SPMIP4: variants seen among roughly 807,000 people sequenced by gnomAD.
SPMIP4 encodes sperm-associated microtubule inner protein 4.
the SPMIP4 span, among the ~76,000 whole-genome samples, chr7:25,148,494 T>TTTTTTTTTTTA: frequency 2.9e-5 from 2 of 68,738 alleles, no homozygotes; most frequent in Non-Finnish European, 3.9e-5. Flanking sequence ...TTTTTTTTTT[T>TTTTTTTTTTTA]GAGACAGAGT....
chr7:25,155,068 G>A, the SPMIP4 span: 2 of 1,614,118 alleles, frequency 1.2e-6, no homozygotes, highest in Non-Finnish European at 1.7e-6. Flanking sequence ...GGAGGAAAGG[G>A]CTGCTGGGTG....
At chr7:25,161,863 A>G in the SPMIP4 span, among the ~76,000 whole-genome samples, 1 of 152,092 alleles carries the variant, frequency 6.6e-6, no homozygotes. Flanking sequence ...AAACCTGTAC[A>G]AAAATTAAAA....
At chr7:25,147,659 C>A in the SPMIP4 span, among the ~76,000 whole-genome samples, 1 of 152,148 alleles carries the variant, frequency 6.6e-6, no homozygotes, top group African/African-American at 2.4e-5. Flanking sequence ...AAAAGGTTAA[C>A]GTTCTTATGT....
chr7:25,130,459 T>C, the SPMIP4 span, among the ~76,000 whole-genome samples: 1 of 151,730 alleles, frequency 6.6e-6, no homozygotes, highest in Non-Finnish European at 1.5e-5. Context: ...ATTACAGGTG[T>C]GTGCCACCAT....
At chr7:25,159,802 G>T in the SPMIP4 span, among the ~76,000 whole-genome samples, 1 of 152,134 alleles carries the variant, frequency 6.6e-6, no homozygotes, top group Non-Finnish European at 1.5e-5. Context: ...GAAAGATGGT[G>T]GGGGCACAAA....
At chr7:25,155,260 C>A in the SPMIP4 span, 1 of 1,408,912 alleles carries the variant, frequency 7.1e-7, no homozygotes, top group Non-Finnish European at 9.5e-7. Flanking sequence ...AAAAATTAAT[C>A]ATCAAAAATT....
the SPMIP4 span, chr7:25,142,574 G>C: frequency 2.2e-6 from 3 of 1,352,158 alleles, no homozygotes; most frequent in Non-Finnish European, 3.1e-6. Flanking sequence ...TTGAAAGCTT[G>C]TCATAGCATT....
At chr7:25,152,138 T>C in the SPMIP4 span, among the ~76,000 whole-genome samples, 1 of 152,236 alleles carries the variant, frequency 6.6e-6, no homozygotes, top group African/African-American at 2.4e-5. Flanking sequence ...ATAGTAAGTG[T>C]TCCTGGATCC....
chr7:25,125,905 C>T, the SPMIP4 span: 2 of 985,400 alleles, frequency 2.0e-6, no homozygotes, highest in South Asian at 9.4e-5. Flanking sequence ...CATTCCAGCT[C>T]TCCGCTTGAT....
chr7:25,136,536 C>G, the SPMIP4 span: 15 of 1,614,042 alleles, frequency 9.3e-6, no homozygotes, highest in African/African-American at 2.7e-5. This position sits in a 1 kb window ranked among gnomAD's most constrained non-coding sequence, Gnocchi z 5.7. Context: ...ACAGCAAGCT[C>G]TGTTCTTCTA....
At chr7:25,140,541 G>A in the SPMIP4 span, among the ~76,000 whole-genome samples, 32 of 149,080 alleles carry the variant, frequency 2.1e-4, no homozygotes, top group Non-Finnish European at 3.9e-4. Context: ...ACCTCAGGTG[G>A]TCCACCCGCC....
chr7:25,125,951 G>A, the SPMIP4 span: 1 of 985,274 alleles, frequency 1.0e-6, no homozygotes, highest in Admixed American at 6.1e-5. Flanking sequence ...CTGCATTTGC[G>A]GCAGAGACAG....
chr7:25,167,844 G>C, the SPMIP4 span, among the ~76,000 whole-genome samples: 1 of 152,104 alleles, frequency 6.6e-6, no homozygotes, highest in African/African-American at 2.4e-5. Context: ...TTTGAATAGA[G>C]TTGCTGAGTA....
chr7:25,158,639 C>G, the SPMIP4 span: 23 of 846,064 alleles, frequency 2.7e-5, no homozygotes, highest in Non-Finnish European at 4.4e-5. Flanking sequence ...GTGGCTCATG[C>G]CTGTAATCCC....
the SPMIP4 span, chr7:25,151,665 T>C: frequency 2.5e-6 from 4 of 1,609,206 alleles, no homozygotes; most frequent in Non-Finnish European, 2.6e-6. Context: ...TATCAATCAG[T>C]TCATATCTAT....
At chr7:25,177,914 A>G in the SPMIP4 span, among the ~76,000 whole-genome samples, 1 of 152,184 alleles carries the variant, frequency 6.6e-6, no homozygotes, top group East Asian at 1.9e-4. Flanking sequence ...CCCAGGTGAT[A>G]AGCATAGTAC....
At chr7:25,178,995 C>T in the SPMIP4 span, among the ~76,000 whole-genome samples, 1 of 152,030 alleles carries the variant, frequency 6.6e-6, no homozygotes, top group Non-Finnish European at 1.5e-5. Context: ...GAGCCGAGAT[C>T]GCACCACTAC....
the SPMIP4 span, chr7:25,155,207 G>A: frequency 6.1e-6 from 9 of 1,483,864 alleles, no homozygotes; most frequent in African/African-American, 2.9e-5. Flanking sequence ...GATTTATTGA[G>A]GAAACAAAAC....
At chr7:25,134,259 T>C in the SPMIP4 span, among the ~76,000 whole-genome samples, 39,844 of 144,036 alleles carry the variant, frequency 0.28, 6,390 homozygotes, top group African/African-American at 0.47. Context: ...GACTCTGACT[T>C]AAACAAAAAC....
Sources: allele counts gnomAD v4.1 joint callset (sites outside exome capture counted in the v4.1 genomes callset), GRCh38; gene constraint gnomAD v4.1.1; non-coding constraint Gnocchi (gnomAD v3.1); transcripts MANE v1.5; gene names NCBI Gene and HGNC (gene_info 2026-07-23, HGNC 2026-07-21).